The following ARHGAP21 variants were observed in gnomAD, a reference collection of about 807,000 sequenced individuals.
ARHGAP21 encodes Rho GTPase activating protein 21.
A neutral mutation model predicts 164.6 loss-of-function variants in ARHGAP21; 38 were observed. That is an observed-to-expected ratio of 0.23 (90% confidence interval 0.18 to 0.30). ARHGAP21 has a LOEUF of 0.30. Ranked by LOEUF, ARHGAP21 falls within the 10% of genes least tolerant of loss-of-function variation. The pLI is 1.00. For missense variants in ARHGAP21, 1,822 were observed against 2,370.7 expected (o/e 0.77, Z 4.81); for synonymous variants, 766 against 857.9 (o/e 0.89, Z 1.87).
chr10:24,684,117 T>C lies in ARHGAP21; in HGVS notation c.64-13720A>G, dbSNP rs183369291. On this transcript the variant is annotated intron_variant, in intron 2 of 25. Transcript: ENST00000396432. Reference sequence around the variant, plus strand: ...GCTTGGCCAACGTATCAAAACACCGTCTCTACTGAAAATACAAAAATTAGC... The same window carrying C: ...GCTTGGCCAACGTATCAAAACACCGCCTCTACTGAAAATACAAAAATTAGC... 7.9e-5 allele frequency among the ~76,000 whole-genome samples: 12 copies of C among 152,096 alleles called. No individual in the cohort carries two copies. In the East Asian group the frequency reaches 2.3e-3, roughly 30 times the overall value.
rs529897809 is a variant in ARHGAP21 at position 24,601,036 on chromosome 10, T to A, written c.2848-106A>T. 2.3e-6 allele frequency: 3 copies of A among 1,317,802 alleles called. No homozygotes were observed. The African/African-American group carries it at 4.4e-5, about 19-fold the overall frequency. The allele number at this position is 1,317,802 out of a possible 1,614,324, so 81.6% of individuals were successfully genotyped here. On this transcript the variant is annotated intron_variant, in intron 13 of 25. Coordinates refer to ENST00000396432, the MANE Select transcript of ARHGAP21 (RefSeq NM_020824.4). ...TTCCTCTGCATTTACATATAACTAG[T>A]GTAGCAGGTGGCAGATTTAGCTCAC...
intron 2 of ARHGAP21, among the ~76,000 whole-genome samples, chr10:24,697,581 G>A (rs550629612): frequency 1.4e-4 from 21 of 152,172 alleles, no homozygotes; most frequent in Middle Eastern, 3.4e-3. Context: ...AGCTGGCCAG[G>A]CACGGTGGTT....
chr10:24,657,142 G>A (rs1472767636), intron 4 of ARHGAP21, among the ~76,000 whole-genome samples: 3 of 28,880 alleles, frequency 1.0e-4, no homozygotes. Context: ...CCCCCTGCCC[G>A]GCCAGCCGCC....
At chr10:24,612,012 C>A (rs2077283516) in intron 9 of ARHGAP21, among the ~76,000 whole-genome samples, 1 of 152,176 alleles carries the variant, frequency 6.6e-6, no homozygotes, top group East Asian at 1.9e-4. Context: ...AAAAAAGTCC[C>A]TTCTAAGGTG....
chr10:24,610,651 A>G (rs1350183160), intron 9 of ARHGAP21, among the ~76,000 whole-genome samples: 1 of 152,126 alleles, frequency 6.6e-6, no homozygotes, highest in African/African-American at 2.4e-5. Flanking sequence ...TTATGTTTCT[A>G]TTTATTATTC....
intron 25 of ARHGAP21, among the ~76,000 whole-genome samples, chr10:24,586,563 G>A (rs1048756510): frequency 6.6e-6 from 1 of 152,134 alleles, no homozygotes; most frequent in African/African-American, 2.4e-5. Flanking sequence ...GTTATTAAAT[G>A]TTTATGACTG....
In ARHGAP21 at chr10:24,586,157, T is replaced by G. The variant is rs772715892; in HGVS notation, c.4183-51A>C. On this transcript the variant is annotated intron_variant, in intron 25 of 25. Transcript: ENST00000396432. ...TCTGAGCATAAGAATGCAGCTGAGTTCATTTTCTGACAAGCTTGTCTCCCA... is the reference window on the plus strand; with the variant it reads ...TCTGAGCATAAGAATGCAGCTGAGTGCATTTTCTGACAAGCTTGTCTCCCA... 8.7e-6 allele frequency: 13 copies of G among 1,499,460 alleles called. No homozygotes were observed. In the South Asian group the frequency reaches 1.7e-4, roughly 19 times the overall value. 92.9% of individuals were successfully genotyped at this position (1,499,460 alleles called of 1,614,324 possible). A position where few individuals can be genotyped will look rare whatever the true frequency, so the allele number is the denominator to read the frequency against.
chr10:24,717,094 C>T (rs892030052), intron 2 of ARHGAP21, among the ~76,000 whole-genome samples: 1 of 152,080 alleles, frequency 6.6e-6, no homozygotes, highest in Admixed American at 6.6e-5. Flanking sequence ...TCTGCATATA[C>T]TTGATATTTA....
At chr10:24,660,253 G>A (rs1291802159) in intron 4 of ARHGAP21, among the ~76,000 whole-genome samples, 5 of 151,764 alleles carry the variant, frequency 3.3e-5, no homozygotes, top group African/African-American at 9.7e-5. Flanking sequence ...AGGCAGTGGG[G>A]CACAACTGTA....
chr10:24,649,685 G>C (rs1184338615), intron 4 of ARHGAP21, among the ~76,000 whole-genome samples: 2 of 150,862 alleles, frequency 1.3e-5, no homozygotes, highest in African/African-American at 2.4e-5. Flanking sequence ...ATTTTTGAAG[G>C]TCATAAAACA....
intron 17 of ARHGAP21, chr10:24,596,386 G>A (rs2076581789): frequency 4.4e-6 from 2 of 453,708 alleles, no homozygotes; most frequent in African/African-American, 4.1e-5. Context: ...ACGAATCCTA[G>A]CATGGGTGTT....
chr10:24,585,995 T>G lies in ARHGAP21; in HGVS notation c.4294A>C (p.Ser1432Arg). Residue 1432 changes from serine to arginine, a missense_variant, in exon 26 of 26, where the codon AGC (serine) becomes CGC (arginine). This residue lies in a region of ARHGAP21 where 333 missense variants were observed against 383.9 expected (regional missense o/e 0.87). Transcript: ENST00000396432. The stretch of plus-strand genomic sequence containing the variant: ...ACATTGTCCAGTTCATCTTCTGAGC[T>G]GCTAGGCTGTGCTTTTTCTTTCGGC... Reference protein sequence around the residue: ...KKPKEKAQPSSSEDELDNVFF... With the variant: ...KKPKEKAQPSRSEDELDNVFF... The G allele has an allele frequency of 1.2e-6, 2 of 1,614,182 alleles. No individual in the cohort carries two copies. The highest frequency in any genetic ancestry group is 8.5e-7 in the Non-Finnish European group (1 of 1,180,032).
At chr10:24,678,026 C>A (rs1388699248) in intron 2 of ARHGAP21, among the ~76,000 whole-genome samples, 1 of 151,462 alleles carries the variant, frequency 6.6e-6, no homozygotes, top group East Asian at 1.9e-4. Context: ...CTTAGGGAGG[C>A]AGAGGTGGGA....
In ARHGAP21 at chr10:24,612,587, G is replaced by A. The variant is rs189442464; in HGVS notation, c.2423-4684C>T. Among the ~76,000 whole-genome samples the A allele has an allele frequency of 3.9e-5, 6 of 152,330 alleles. No individual in the cohort carries two copies. In the East Asian group the frequency reaches 5.8e-4, roughly 15 times the overall value. On this transcript the variant is annotated intron_variant, in intron 9 of 25. Coordinates refer to ENST00000396432, the MANE Select transcript of ARHGAP21 (RefSeq NM_020824.4). Reference sequence around the variant, plus strand: ...AAATAAATTCAGGCCAGGTGTGGTGGCTCACGCCTGTAATCCCAGCACTTT... The same window carrying A: ...AAATAAATTCAGGCCAGGTGTGGTGACTCACGCCTGTAATCCCAGCACTTT...
chr10:24,676,214 CTA>C (rs1364539352), intron 2 of ARHGAP21, among the ~76,000 whole-genome samples: 16 of 152,284 alleles, frequency 1.1e-4, no homozygotes, highest in Admixed American at 9.8e-4. Flanking sequence ...GAAAAAATAA[CTA>C]TTAATCATTG....
At chr10:24,710,857 A>G (rs1355057755) in intron 2 of ARHGAP21, among the ~76,000 whole-genome samples, 1 of 152,104 alleles carries the variant, frequency 6.6e-6, no homozygotes, top group Non-Finnish European at 1.5e-5. Context: ...GCACTTTGGG[A>G]GGCCAAGGCG....
intron 14 of ARHGAP21, among the ~76,000 whole-genome samples, chr10:24,599,405 G>T (rs1306469865): frequency 1.3e-5 from 2 of 152,196 alleles, no homozygotes; most frequent in Non-Finnish European, 2.9e-5. Flanking sequence ...AGGTTGCACT[G>T]ATAAAGATCT....
intron 7 of ARHGAP21, among the ~76,000 whole-genome samples, chr10:24,626,277 C>T (rs1409266941): frequency 6.6e-6 from 1 of 152,150 alleles, no homozygotes; most frequent in Admixed American, 6.5e-5. Context: ...GAAGTATTCT[C>T]TTTGGTCAGT....
chr10:24,685,865 C>G (rs967386723), intron 2 of ARHGAP21, among the ~76,000 whole-genome samples: 3 of 152,098 alleles, frequency 2.0e-5, no homozygotes, highest in African/African-American at 7.2e-5. Flanking sequence ...AACCCACTCA[C>G]TAACATTATT....
Sources: gnomAD v4.1 joint callset for allele counts (sites outside exome capture counted in the v4.1 genomes callset) on GRCh38, gnomAD v4.1.1 for gene constraint, gnomAD v4.1.1 regional missense constraint, MANE v1.5 for transcripts, NCBI Gene and HGNC (gene_info 2026-07-23, HGNC 2026-07-21) for gene names.